The following GALNT13 variants were observed in gnomAD, a reference collection of about 807,000 sequenced individuals.
The protein encoded by GALNT13 is UDP-GalNAc:polypeptide N-acetylgalactosaminyltransferase 13.
Under a neutral mutation model 64.2 loss-of-function variants are expected in GALNT13, and 28 were observed. The ratio of observed to expected loss-of-function variants is 0.44; its 90% CI spans 0.32 to 0.60. The LOEUF (loss-of-function observed/expected upper bound fraction) is 0.60. GALNT13 is among the 20% of genes least tolerant of loss of function. The pLI is 0.05. For missense variants in GALNT13, 577 were observed against 669.8 expected, an observed-to-expected ratio of 0.86 and a Z score of 1.53; for synonymous variants, 214 against 224.6, an observed-to-expected ratio of 0.95 and a Z score of 0.42.
chr2:153,678,078 C>A, the GALNT13 span, among the ~76,000 whole-genome samples: 361 of 89,236 alleles, frequency 4.0e-3, 4 homozygotes, highest in East Asian at 0.051. Context: ...AACAAAAAAA[C>A]AAAAGAAACT....
chr2:153,251,919 C>T, the GALNT13 span, among the ~76,000 whole-genome samples: 16 of 151,724 alleles, frequency 1.1e-4, no homozygotes, highest in African/African-American at 2.4e-4. Flanking sequence ...TGAATAATGC[C>T]GCAATAAACA....
chr2:154,372,762 T>G (rs943244847), intron 9 of GALNT13, among the ~76,000 whole-genome samples: 1 of 152,102 alleles, frequency 6.6e-6, no homozygotes, highest in African/African-American at 2.4e-5. Context: ...TGATTATCAC[T>G]TTTTATTCTT....
the GALNT13 span, among the ~76,000 whole-genome samples, chr2:153,350,094 T>C: frequency 6.6e-6 from 1 of 152,190 alleles, no homozygotes; most frequent in Non-Finnish European, 1.5e-5. Flanking sequence ...GATTAGCTCA[T>C]GTAATCTAGG....
At chr2:153,327,008 C>T in the GALNT13 span, among the ~76,000 whole-genome samples, 1 of 152,014 alleles carries the variant, frequency 6.6e-6, no homozygotes. Flanking sequence ...CGCTTGAACC[C>T]AGGAGGCAGA....
the GALNT13 span, among the ~76,000 whole-genome samples, chr2:153,553,914 C>G: frequency 6.6e-6 from 1 of 152,080 alleles, no homozygotes; most frequent in South Asian, 2.1e-4. Flanking sequence ...CTTTGAGTCT[C>G]CACATGCTTC....
chr2:153,786,367 G>A, the GALNT13 span, among the ~76,000 whole-genome samples: 8 of 152,152 alleles, frequency 5.3e-5, no homozygotes, highest in East Asian at 1.9e-4. Context: ...GCCCCTCTTC[G>A]CCAGTTGGGA....
intron 12 of GALNT13, 56 bp from the exon 13 acceptor site, chr2:154,450,355 T>C (rs573382451): frequency 6.8e-7 from 1 of 1,474,992 alleles, no homozygotes; most frequent in South Asian, 1.3e-5. Flanking sequence ...TTATCTGATG[T>C]GCTAGCAAAG....
the GALNT13 span, among the ~76,000 whole-genome samples, chr2:153,489,980 TACACACAC>T: frequency 2.0e-4 from 30 of 147,978 alleles, no homozygotes; most frequent in African/African-American, 6.2e-4. Flanking sequence ...GGCCCTGTTT[TACACACAC>T]ACACACACAC....
At chr2:153,333,010 G>T in the GALNT13 span, among the ~76,000 whole-genome samples, 19 of 152,128 alleles carry the variant, frequency 1.2e-4, no homozygotes, top group African/African-American at 4.6e-4. Flanking sequence ...CACAATTCCT[G>T]CCTCTAGTGC....
chr2:154,449,426 CA>C (rs201483247), intron 12 of GALNT13, among the ~76,000 whole-genome samples: 7,799 of 104,486 alleles, frequency 0.075, 110 homozygotes, highest in South Asian at 0.13. Flanking sequence ...TATCATGAGC[CA>C]AAAAAAAAAA....
the GALNT13 span, among the ~76,000 whole-genome samples, chr2:153,463,072 T>C: frequency 6.6e-6 from 1 of 152,078 alleles, no homozygotes; most frequent in Non-Finnish European, 1.5e-5. Flanking sequence ...TCTTCACTTC[T>C]AGGAATTTCT....
chr2:153,752,668 A>G, the GALNT13 span, among the ~76,000 whole-genome samples: 1 of 152,052 alleles, frequency 6.6e-6, no homozygotes, highest in Non-Finnish European at 1.5e-5. Context: ...TGCTTTTAGA[A>G]TCTTCTCTTT....
At chr2:154,228,702 A>G (rs1688757843) in intron 4 of GALNT13, among the ~76,000 whole-genome samples, 1 of 152,158 alleles carries the variant, frequency 6.6e-6, no homozygotes, top group Non-Finnish European at 1.5e-5. Context: ...GGGAAGAAAT[A>G]TAACAATGTA....
chr2:153,648,861 G>T, the GALNT13 span, among the ~76,000 whole-genome samples: 11 of 152,054 alleles, frequency 7.2e-5, no homozygotes, highest in African/African-American at 2.7e-4. Context: ...TGCTGGATTC[G>T]GTTTGCTAGT....
the GALNT13 span, among the ~76,000 whole-genome samples, chr2:153,326,209 T>C: frequency 6.6e-6 from 1 of 152,220 alleles, no homozygotes; most frequent in African/African-American, 2.4e-5. Context: ...TCTTGTTGCA[T>C]TGATGCGTTT....
chr2:154,042,559 A>C (rs943056639), intron 3 of GALNT13, among the ~76,000 whole-genome samples: 10 of 115,328 alleles, frequency 8.7e-5, no homozygotes, highest in African/African-American at 2.6e-4. Context: ...TCTTTTTTAA[A>C]GTGCACAGCA....
At chr2:153,356,942 C>CA in the GALNT13 span, among the ~76,000 whole-genome samples, 1 of 151,818 alleles carries the variant, frequency 6.6e-6, no homozygotes, top group Non-Finnish European at 1.5e-5. Flanking sequence ...GGACTACAGG[C>CA]ACCTGCCACC....
At chr2:154,402,331 A>G (rs1336488839) in intron 10 of GALNT13, among the ~76,000 whole-genome samples, 3 of 152,326 alleles carry the variant, frequency 2.0e-5, no homozygotes, top group South Asian at 4.1e-4. Context: ...AGCAAAAGCT[A>G]GTGAACAAAT....
intron 9 of GALNT13, among the ~76,000 whole-genome samples, chr2:154,348,796 C>T (rs1377930779): frequency 1.3e-5 from 2 of 151,910 alleles, no homozygotes; most frequent in East Asian, 1.9e-4. Flanking sequence ...GAATATCTAG[C>T]GCTCCGGAGT....
Sources: allele counts gnomAD v4.1 joint callset (sites outside exome capture counted in the v4.1 genomes callset), GRCh38; gene constraint gnomAD v4.1.1; transcripts MANE v1.5; gene names NCBI Gene and HGNC (gene_info 2026-07-23, HGNC 2026-07-21).